The following FAM234A variants were observed in gnomAD, a reference collection of about 807,000 sequenced individuals.
The protein encoded by FAM234A is family with sequence similarity 234 member A, also known as protein FAM234A.
Under a neutral mutation model 49.1 loss-of-function variants are expected in FAM234A, and 42 were observed. That is an observed-to-expected ratio of 0.86 (90% CI 0.67 to 1.11). FAM234A has a LOEUF of 1.11. Among genes scored for constraint, FAM234A ranks in the 50% least tolerant of loss-of-function variants. FAM234A has a pLI of 0.00. For missense variants in FAM234A, 815 were observed against 745.2 expected (o/e 1.09, Z -1.09); for synonymous variants, 369 against 316.2 (o/e 1.17, Z -1.77).
chr16:244,263 C>G (rs189199817), intron 1 of FAM234A, among the ~76,000 whole-genome samples: 2 of 152,168 alleles, frequency 1.3e-5, no homozygotes, highest in Non-Finnish European at 2.9e-5. Flanking sequence ...CCACCGCGCC[C>G]GGTCGGAAAA....
intron 8 of FAM234A, 133 bp downstream of exon 8, chr16:262,686 A>G (rs1202418926): frequency 4.7e-6 from 4 of 844,498 alleles, no homozygotes; most frequent in Admixed American, 3.7e-5. Context: ...GGGTACCGCA[A>G]GGTCACCCTG....
At chr16:257,207 T>C (rs2051268491) in intron 3 of FAM234A, among the ~76,000 whole-genome samples, 1 of 151,130 alleles carries the variant, frequency 6.6e-6, no homozygotes, top group African/African-American at 2.4e-5. Flanking sequence ...TGTCCTTCGA[T>C]GCATAAAAGC....
chr16:246,978 T>A (rs1445203972), intron 1 of FAM234A: 1 of 151,912 alleles, frequency 6.6e-6, no homozygotes. Flanking sequence ...TTTCACCATG[T>A]TGTTCAGGCT....
At chr16:238,382 C>T (rs2050476187) in intron 1 of FAM234A, among the ~76,000 whole-genome samples, 1 of 152,090 alleles carries the variant, frequency 6.6e-6, no homozygotes, top group Non-Finnish European at 1.5e-5. Flanking sequence ...GTGCCTGGTC[C>T]TATGATTTCA....
chr16:251,104 C>A (rs762286302), intron 2 of FAM234A, among the ~76,000 whole-genome samples: 3 of 152,142 alleles, frequency 2.0e-5, no homozygotes, highest in Non-Finnish European at 4.4e-5. Flanking sequence ...TTACAAGCGC[C>A]TGCCACCATG....
chr16:239,581 C>T (rs796238663), intron 1 of FAM234A, among the ~76,000 whole-genome samples: 17 of 149,558 alleles, frequency 1.1e-4, no homozygotes, highest in African/African-American at 3.7e-4. Context: ...CGCCACTGCA[C>T]TCCAGCCTGG....
downstream of FAM234A, among the ~76,000 whole-genome samples, chr16:266,478 GC>G (rs1264864530): frequency 6.6e-6 from 1 of 152,202 alleles, no homozygotes; most frequent in Non-Finnish European, 1.5e-5. Flanking sequence ...TGGTGACCCT[GC>G]AGGCAAGAGG....
chr16:239,457 CA>C lies in FAM234A; in HGVS notation c.-140+4608del, dbSNP rs375171332. ...TGAAACTCCGTCTCTACTAAAAATA[CA>C]AAAAAAACTAGTCGGACGTGGTGGC... On this transcript the variant is annotated intron_variant, in intron 1 of 12. Coordinates refer to ENST00000399932, the MANE Select transcript of FAM234A (RefSeq NM_032039.4). Among the ~76,000 whole-genome samples, 92 of 146,232 alleles carry C rather than the reference CA, an allele frequency of 6.3e-4. 3 individuals carry two copies. In the East Asian group the frequency reaches 0.015, roughly 25 times the overall value.
At chr16:260,994 A>T (rs1478021314) in intron 5 of FAM234A, among the ~76,000 whole-genome samples, 1 of 152,102 alleles carries the variant, frequency 6.6e-6, no homozygotes, top group Non-Finnish European at 1.5e-5. Flanking sequence ...AGCAGGAGGC[A>T]GGGGCTTCGA....
intron 1 of FAM234A, among the ~76,000 whole-genome samples, chr16:238,569 A>T (rs972260629): frequency 6.6e-6 from 1 of 151,918 alleles, no homozygotes; most frequent in Admixed American, 6.6e-5. Flanking sequence ...GATCGAGACC[A>T]TCCTGGCTAA....
chr16:262,312 A>AG, intron 7 of FAM234A, 87 bp downstream of exon 7: 1 of 1,573,030 alleles, frequency 6.4e-7, no homozygotes. Flanking sequence ...TCTGCTCTCG[A>AG]GGTGCTGGAG....
At chr16:254,329 C>G in intron 2 of FAM234A, 52 bp from the exon 3 acceptor site, 1 of 1,502,240 alleles carries the variant, frequency 6.7e-7, no homozygotes, top group Non-Finnish European at 9.1e-7. Context: ...TGTGCTGCAG[C>G]TTTGTGCCGT....
chr16:266,032 A>G lies in FAM234A; in HGVS notation c.*1010A>G, dbSNP rs2051684082. ...CACAGAGCCTGAGCTTCGTAGCCAA[A>G]GCAGCCTGATGACCCACCCACCAAG... On this transcript the variant is annotated 3_prime_UTR_variant, in exon 13 of 13. Coordinates refer to ENST00000399932, the MANE Select transcript of FAM234A (RefSeq NM_032039.4). 1 of 986,064 alleles carries G rather than the reference A, an allele frequency of 1.0e-6. No individual in the cohort carries two copies. The highest frequency in any genetic ancestry group is 4.7e-5 in the South Asian group (1 of 21,292). The allele number at this position is 986,064 out of a possible 1,614,324, so 61.1% of individuals were successfully genotyped here.
chr16:236,678 G>T (rs775786729), intron 1 of FAM234A, among the ~76,000 whole-genome samples: 76 of 148,502 alleles, frequency 5.1e-4, no homozygotes, highest in Non-Finnish European at 9.6e-4. Context: ...AGGGCGAGGC[G>T]GGCGGATCAC....
At chr16:259,431 C>T (rs1317047368) in intron 3 of FAM234A, 52 bp from the exon 4 acceptor site, 2 of 1,058,486 alleles carry the variant, frequency 1.9e-6, no homozygotes, top group East Asian at 2.4e-5. Context: ...CCTGATCGTT[C>T]CTGGAAACCA....
chr16:242,929 C>T (rs949611143), intron 1 of FAM234A, among the ~76,000 whole-genome samples: 1 of 151,610 alleles, frequency 6.6e-6, no homozygotes, highest in African/African-American at 2.4e-5. Context: ...GGTCTTTTAC[C>T]TTAATTAATA....
At chr16:251,679 GTTTTTT>G (rs1172222528) in intron 2 of FAM234A, among the ~76,000 whole-genome samples, 4 of 91,144 alleles carry the variant, frequency 4.4e-5, no homozygotes, top group Admixed American at 1.3e-4. Context: ...GCCTAGCCAG[GTTTTTT>G]TTTTTTTTTT....
In FAM234A at chr16:265,232, A is replaced by G; in HGVS notation, c.*210A>G. On this transcript the variant is annotated 3_prime_UTR_variant, in exon 13 of 13. Coordinates refer to ENST00000399932, the MANE Select transcript of FAM234A (RefSeq NM_032039.4). ...GACACCCTGGGCCTCTCTCCCGCCCAGCATCCTCCCTGAGTCCCCACACAG... is the reference window on the plus strand; with the variant it reads ...GACACCCTGGGCCTCTCTCCCGCCCGGCATCCTCCCTGAGTCCCCACACAG... The G allele has an allele frequency of 1.4e-6, 2 of 1,386,892 alleles. No individual in the cohort carries two copies. The highest frequency in any genetic ancestry group is 1.9e-6 in the Non-Finnish European group (2 of 1,073,602). 85.9% of individuals were successfully genotyped at this position (1,386,892 alleles called of 1,614,324 possible). A position where few individuals can be genotyped will look rare whatever the true frequency, so the allele number is the denominator to read the frequency against.
intron 7 of FAM234A, 34 bp downstream of exon 7, chr16:262,259 C>T: frequency 1.2e-6 from 2 of 1,611,048 alleles, no homozygotes; most frequent in South Asian, 1.1e-5. Context: ...TGGCCAGCCT[C>T]ACTCGTGGAG....
Sources: gnomAD v4.1 joint callset for allele counts (sites outside exome capture counted in the v4.1 genomes callset) on GRCh38, gnomAD v4.1.1 for gene constraint, MANE v1.5 for transcripts, NCBI Gene and HGNC (gene_info 2026-07-23, HGNC 2026-07-21) for gene names.